The following DOCK1 variants were observed in gnomAD, a reference collection of about 807,000 sequenced individuals.
DOCK1 encodes dedicator of cytokinesis protein 1.
DOCK1 carries 138 observed loss-of-function variants against 262.7 expected under a neutral mutation model. The observed-to-expected ratio is 0.53, with a 90% CI of 0.46 to 0.61. The LOEUF is 0.61. Ranked by LOEUF, DOCK1 falls within the 20% of genes least tolerant of loss-of-function variation. DOCK1 has a pLI of 0.00. For missense variants in DOCK1, 1,908 were observed against 2,370.7 expected (o/e 0.80, Z 4.05); for synonymous variants, 866 against 867.4 (o/e 1.00, Z 0.03).
chr10:127,045,072 C>A (rs549159127), intron 21 of DOCK1, among the ~76,000 whole-genome samples: 21 of 151,996 alleles, frequency 1.4e-4, no homozygotes, highest in African/African-American at 5.1e-4. Flanking sequence ...GTGGCACGTG[C>A]CTGTAGTCCC....
In DOCK1 at chr10:127,175,507, G is replaced by A; in HGVS notation, c.2847+47743G>A. 1 of 1,608,942 alleles carries A rather than the reference G, an allele frequency of 6.2e-7. No individual in the cohort carries two copies. The highest frequency in any genetic ancestry group is 8.5e-7 in the Non-Finnish European group (1 of 1,180,002). On this transcript the variant is annotated intron_variant, in intron 27 of 51. Coordinates refer to ENST00000623213, the MANE Select transcript of DOCK1 (RefSeq NM_001290223.2). This position sits in a 1 kb window ranked among gnomAD's most constrained non-coding sequence, Gnocchi z 6.3. Reference sequence around the variant, plus strand: ...AGGGCAGTTTCCGAGGGCGCCTGGAGCCCGTTGAGATGTGTGGCTCTCCTC... The same window carrying A: ...AGGGCAGTTTCCGAGGGCGCCTGGAACCCGTTGAGATGTGTGGCTCTCCTC...
rs112163360 is a variant in DOCK1, at chr10:127,065,978, G to C, written c.2445+4202G>C. On this transcript the variant is annotated intron_variant, in intron 23 of 51. Transcript: ENST00000623213. Reference sequence around the variant, plus strand: ...CTGACCGTCCCCCTCCCTGAGACCCGCTCCACCCCTAGCTGTTTCCTCACC... The same window carrying C: ...CTGACCGTCCCCCTCCCTGAGACCCCCTCCACCCCTAGCTGTTTCCTCACC... 3.7e-3 allele frequency among the ~76,000 whole-genome samples: 568 copies of C among 152,026 alleles called. 4 individuals are homozygous for C. The highest frequency in any genetic ancestry group is 0.013 in the African/African-American group (531 of 41,478).
intron 27 of DOCK1, among the ~76,000 whole-genome samples, chr10:127,242,647 T>TG (rs1554928604): frequency 1.3e-5 from 2 of 152,198 alleles, no homozygotes; most frequent in Non-Finnish European, 2.9e-5. Flanking sequence ...TTATGTTTTT[T>TG]TTGTTGTTGT....
At chr10:127,275,134 T>C (rs1328856095) in intron 29 of DOCK1, among the ~76,000 whole-genome samples, 2 of 152,130 alleles carry the variant, frequency 1.3e-5, no homozygotes, top group Non-Finnish European at 2.9e-5. Context: ...TGGGGGGCAG[T>C]GTCTCTAGGG....
At chr10:127,341,121 A>C (rs1251628946) in intron 30 of DOCK1, among the ~76,000 whole-genome samples, 3 of 152,162 alleles carry the variant, frequency 2.0e-5, no homozygotes, top group African/African-American at 7.2e-5. Context: ...TCAGGTGTTT[A>C]ATCCATTTGG....
chr10:127,225,048 C>T (rs968155200), intron 27 of DOCK1, among the ~76,000 whole-genome samples: 2 of 152,118 alleles, frequency 1.3e-5, no homozygotes, highest in Admixed American at 6.5e-5. Flanking sequence ...AAAATATATC[C>T]TGAAGTTCAT....
intron 23 of DOCK1, among the ~76,000 whole-genome samples, chr10:127,086,955 A>G (rs1210276245): frequency 6.6e-6 from 1 of 152,168 alleles, no homozygotes; most frequent in Non-Finnish European, 1.5e-5. Flanking sequence ...AAAACTTGAC[A>G]TTTTCTCATT....
intron 16 of DOCK1, 79 bp from the exon 17 acceptor site, chr10:127,031,571 G>A: frequency 9.2e-7 from 1 of 1,082,738 alleles, no homozygotes; most frequent in Non-Finnish European, 1.3e-6. Context: ...CATAAAGGTA[G>A]CCTTTGTAGC....
chr10:127,242,241 A>T (rs1000181606), intron 27 of DOCK1, among the ~76,000 whole-genome samples: 1 of 152,174 alleles, frequency 6.6e-6, no homozygotes, highest in Admixed American at 6.5e-5. Flanking sequence ...CTAATTTGTG[A>T]TGTAGGCAAC....
intron 27 of DOCK1, among the ~76,000 whole-genome samples, chr10:127,215,188 G>C (rs1208579398): frequency 6.6e-6 from 1 of 152,132 alleles, no homozygotes; most frequent in Non-Finnish European, 1.5e-5. Flanking sequence ...GACAGCTTGT[G>C]TAATCATGTT....
rs1363865780 is a variant in DOCK1, at chr10:126,995,269, C to T, written c.474-1479C>T. On this transcript the variant is annotated intron_variant, in intron 6 of 51. Coordinates refer to ENST00000623213, the MANE Select transcript of DOCK1 (RefSeq NM_001290223.2). The surrounding 1 kb of genome is among the most constrained non-coding windows in gnomAD (Gnocchi z 5.8). The stretch of plus-strand genomic sequence containing the variant: ...CCGGGCAGAGGCTGCAATCTCGGCA[C>T]TTTGGGAGGCCAAGGCAGGTGGCTG... Among the ~76,000 whole-genome samples the T allele has an allele frequency of 6.6e-6, 1 of 152,178 alleles. No individual in the cohort carries two copies. Among genetic ancestry groups the T allele is most frequent in the Non-Finnish European group, 1.5e-5 (1 of 68,036 alleles).
At chr10:126,948,437 A>AT (rs2035802062) in intron 1 of DOCK1, among the ~76,000 whole-genome samples, 2 of 134,548 alleles carry the variant, frequency 1.5e-5, no homozygotes, top group Non-Finnish European at 3.4e-5. Flanking sequence ...GGTGGTGGTA[A>AT]TACTGCTGGT....
chr10:127,035,885 C>G lies in DOCK1; in HGVS notation c.1913-1834C>G, dbSNP rs141018105. ...TGCATGGTGGCGTGCACCTGTAGCC[C>G]CAGCAACTTGGGAGGCTGTGGTGGG... On this transcript the variant is annotated intron_variant, in intron 18 of 51. Transcript: ENST00000623213. Among the ~76,000 whole-genome samples, 90 of 151,970 alleles carry G rather than the reference C, an allele frequency of 5.9e-4. 2 individuals are homozygous for G. In the East Asian group the frequency reaches 0.016, roughly 27 times the overall value.
intron 23 of DOCK1, among the ~76,000 whole-genome samples, chr10:127,087,440 A>T (rs950721156): frequency 6.6e-6 from 1 of 152,104 alleles, no homozygotes; most frequent in African/African-American, 2.4e-5. Flanking sequence ...GGAGTGGAGT[A>T]GAGGGGTGCT....
chr10:127,103,375 T>C (rs1419067511), intron 23 of DOCK1, among the ~76,000 whole-genome samples: 1 of 152,206 alleles, frequency 6.6e-6, no homozygotes, highest in Non-Finnish European at 1.5e-5. Context: ...AAACCTCATA[T>C]TGTCTGCTGC....
intron 50 of DOCK1, among the ~76,000 whole-genome samples, chr10:127,447,037 G>A (rs187077165): frequency 4.3e-4 from 66 of 152,318 alleles, no homozygotes; most frequent in Middle Eastern, 3.4e-3. Context: ...CAGCGGAGAC[G>A]GTCCTGTGGC....
At chr10:127,155,704 G>C (rs1473844527) in intron 27 of DOCK1, among the ~76,000 whole-genome samples, 1 of 152,104 alleles carries the variant, frequency 6.6e-6, no homozygotes. Flanking sequence ...CTATGGCAAG[G>C]CTCTTCCACA....
At chr10:127,215,653 A>G (rs542422355) in intron 27 of DOCK1, among the ~76,000 whole-genome samples, 2 of 152,250 alleles carry the variant, frequency 1.3e-5, no homozygotes, top group South Asian at 2.1e-4. Flanking sequence ...TTGTAACTAA[A>G]TCCCATTCAA....
At chr10:126,981,470 G>C (rs1243921261) in intron 3 of DOCK1, among the ~76,000 whole-genome samples, 1 of 152,222 alleles carries the variant, frequency 6.6e-6, no homozygotes, top group East Asian at 1.9e-4. Context: ...CCCCCCTGTT[G>C]GGGAAGTCTC....
Sources: allele counts gnomAD v4.1 joint callset (sites outside exome capture counted in the v4.1 genomes callset), GRCh38; gene constraint gnomAD v4.1.1; non-coding constraint Gnocchi (gnomAD v3.1); transcripts MANE v1.5; gene names NCBI Gene and HGNC (gene_info 2026-07-23, HGNC 2026-07-21).